Variants in SLC5A12 observed in about 807,000 individuals in gnomAD.
SLC5A12 encodes the protein solute carrier family 5 member 12, also known as sodium-coupled monocarboxylate transporter 2.
Under a neutral mutation model 72.7 loss-of-function variants are expected in SLC5A12, and 46 were observed. The observed-to-expected ratio is 0.63, with a 90% CI of 0.50 to 0.81. The LOEUF (loss-of-function observed/expected upper bound fraction) is 0.81, where lower values mean the gene tolerates loss of function less well. Ranked by LOEUF, SLC5A12 falls within the 30% of genes least tolerant of loss-of-function variation. SLC5A12 has a pLI of 0.00. For synonymous variants in SLC5A12, 275 were observed against 264.4 expected (o/e 1.04, Z -0.39); for missense variants, 683 against 740.7 (o/e 0.92, Z 0.90).
chr11:26,671,139 C>A lies in SLC5A12; in HGVS notation c.1820G>T (p.Ser607Ile). Residue 607 changes from serine to isoleucine, a missense_variant, in exon 15 of 15, where the codon AGC becomes ATC. Transcript: ENST00000396005. ...AGTCTCAAATGCCATATTGTTGTAG[C>A]TTTTGTCCTTAGGATCATAGCCTGG... Reference protein sequence around the residue: ...HVPGYDPKDKSYNNMAFETTH... With the variant: ...HVPGYDPKDKIYNNMAFETTH... 2 of 1,612,432 alleles carry A rather than the reference C, an allele frequency of 1.2e-6. No individual in the cohort carries two copies. Among genetic ancestry groups the A allele is most frequent in the Non-Finnish European group, 8.5e-7 (1 of 1,179,100 alleles).
intron 8 of SLC5A12, among the ~76,000 whole-genome samples, chr11:26,696,585 C>T (rs377431149): frequency 3.3e-5 from 5 of 152,180 alleles, no homozygotes; most frequent in Admixed American, 6.5e-5. Flanking sequence ...TATTGCTCCA[C>T]GGTTACAAAC....
Position 26,721,627 on chromosome 11 carries a change from T to C in SLC5A12, c.88A>G (p.Ile30Val), listed in dbSNP as rs1428287118. 5 of 1,614,024 alleles carry C rather than the reference T, an allele frequency of 3.1e-6. No individual in the cohort carries two copies. The highest frequency in any genetic ancestry group is 4.2e-6 in the Non-Finnish European group (5 of 1,180,000). Residue 30 changes from isoleucine to valine, a missense_variant, in exon 1 of 15, where the codon ATT becomes GTT. By Grantham distance (29) the Ile-to-Val change is conservative. Transcript: ENST00000396005. ...GAAGTTGCCTTTTTTCTCTCCTTAATGGCAAAGAACACCCCAATTCCAGAG... is the reference window on the plus strand; with the variant it reads ...GAAGTTGCCTTTTTTCTCTCCTTAACGGCAAAGAACACCCCAATTCCAGAG... ...ISSGIGVFFA[I>V]KERKKATSRE...
chr11:26,684,054 T>TG (rs1854471834), intron 10 of SLC5A12, among the ~76,000 whole-genome samples: 14 of 139,956 alleles, frequency 1.0e-4, no homozygotes, highest in African/African-American at 1.8e-4. Flanking sequence ...GTGTGTGTGT[T>TG]TGTATAGTAG....
chr11:26,673,218 A>T (rs1385287177), intron 14 of SLC5A12, among the ~76,000 whole-genome samples, 184 bp downstream of exon 14: 2 of 152,202 alleles, frequency 1.3e-5, no homozygotes, highest in African/African-American at 4.8e-5. Context: ...TTTACCTATC[A>T]ACATATTTAT....
At chr11:26,718,780 C>T (rs546946266) in intron 1 of SLC5A12, among the ~76,000 whole-genome samples, 19 of 152,114 alleles carry the variant, frequency 1.2e-4, no homozygotes, top group Middle Eastern at 6.8e-3. Flanking sequence ...TGAGCCACCA[C>T]GCCTGGCCTA....
intron 1 of SLC5A12, among the ~76,000 whole-genome samples, chr11:26,714,108 C>A (rs201251764): frequency 6.6e-6 from 1 of 150,494 alleles, no homozygotes. Flanking sequence ...TCAAAACGAA[C>A]AAAAAAAAAC....
intron 14 of SLC5A12, among the ~76,000 whole-genome samples, chr11:26,672,410 C>T (rs1854164529): frequency 6.6e-6 from 1 of 152,104 alleles, no homozygotes; most frequent in Admixed American, 6.6e-5. Flanking sequence ...AATACTCCTG[C>T]CCTTAATCAA....
intron 4 of SLC5A12, among the ~76,000 whole-genome samples, chr11:26,705,978 A>ACACACT (rs1491233670): frequency 8.7e-5 from 12 of 138,084 alleles, no homozygotes; most frequent in Non-Finnish European, 1.9e-4. Context: ...ACACACACAC[A>ACACACT]CTTACCTTCT....
intron 6 of SLC5A12, 119 bp from the exon 7 acceptor site, chr11:26,698,654 T>C: frequency 3.3e-6 from 3 of 911,782 alleles, no homozygotes; most frequent in Non-Finnish European, 4.7e-6. Flanking sequence ...AATAAAATTC[T>C]ATAGCCTTTA....
chr11:26,669,187 T>TTTATTTTTCTTTCTTTC lies in SLC5A12; in HGVS notation c.*1914_*1915insGAAAGAAAGAAAAATAA, dbSNP rs1854073553. 1 of 110,942 alleles carries TTTATTTTTCTTTCTTTC rather than the reference T, an allele frequency of 9.0e-6. No homozygotes were observed. Among genetic ancestry groups the TTTATTTTTCTTTCTTTC allele is most frequent in the Non-Finnish European group, 2.0e-5 (1 of 50,896 alleles). The allele number at this position is 110,942 out of a possible 1,614,324, so 6.9% of individuals were successfully genotyped here. On this transcript the variant is annotated 3_prime_UTR_variant, in exon 15 of 15. Transcript: ENST00000396005. ...TGTCTTTTTCTTTCTTTCTTTCTTCTTTTCTTTCTTTCTTTCTTTCTTTCT... is the reference window on the plus strand; with the variant it reads ...TGTCTTTTTCTTTCTTTCTTTCTTCTTTATTTTTCTTTCTTTCTTTCTTTCTTTCTTTCTTTCTTTCT...
chr11:26,703,939 T>C lies in SLC5A12; in HGVS notation c.534A>G (p.Leu178=), dbSNP rs149002999. Residue 178 remains leucine (L), a synonymous_variant, in exon 5 of 15, where the codon TTA becomes TTG. Transcript: ENST00000396005. The part of the protein sequence containing the change: ...VCTFYCTLGG[L]KAVVWTDAFQ... The stretch of plus-strand genomic sequence containing the variant: ...ATGCATCTGTCCACACCACTGCTTT[T>C]AATCCTCCCTGAAATAGAGAGAATG... 5.2e-5 allele frequency: 84 copies of C among 1,613,542 alleles called. No homozygotes were observed. Among genetic ancestry groups the C allele is most frequent in the East Asian group, 2.2e-5 (1 of 44,860 alleles).
chr11:26,701,552 T>C (rs1854958157), intron 6 of SLC5A12, among the ~76,000 whole-genome samples: 1 of 152,204 alleles, frequency 6.6e-6, no homozygotes, highest in Non-Finnish European at 1.5e-5. Context: ...TTTCTTGAAT[T>C]AAACTACTTT....
Position 26,678,736 on chromosome 11 carries a change from C to T in SLC5A12, c.1555G>A (p.Gly519Arg). Residue 519 changes from glycine to arginine, a missense_variant, in exon 13 of 15, where the codon GGA becomes AGA. Gly to Arg is a moderately radical substitution (Grantham distance 125). Transcript: ENST00000396005. ...CCTGTTATGAGGCTGATGATTACTCCAGCAACAATGCATCCTAAGCAGCCC... is the reference window on the plus strand; with the variant it reads ...CCTGTTATGAGGCTGATGATTACTCTAGCAACAATGCATCCTAAGCAGCCC... ...AVGCLGCIVA[G>R]VIISLITGRQ... The T allele has an allele frequency of 6.2e-7, 1 of 1,612,938 alleles. No individual in the cohort carries two copies. Among genetic ancestry groups the T allele is most frequent in the Non-Finnish European group, 8.5e-7 (1 of 1,179,380 alleles).
chr11:26,704,688 AGAGATGAAAAGAAGTG>A (rs1855043329), intron 4 of SLC5A12, among the ~76,000 whole-genome samples: 1 of 152,170 alleles, frequency 6.6e-6, no homozygotes, highest in Non-Finnish European at 1.5e-5. Context: ...GAGGTAAGGT[AGAGATGAAAAGAAGTG>A]GATGGACTGT....
At chr11:26,701,300 T>G (rs1024034802) in intron 6 of SLC5A12, among the ~76,000 whole-genome samples, 13 of 152,234 alleles carry the variant, frequency 8.5e-5, no homozygotes, top group Non-Finnish European at 1.9e-4. Context: ...TTTTTATTTT[T>G]TCATCTTTCA....
rs935821998 is a variant in SLC5A12, at chr11:26,688,669, C to T, written c.1154-2125G>A. Among the ~76,000 whole-genome samples, 3 of 152,128 alleles carry T rather than the reference C, an allele frequency of 2.0e-5. No individual in the cohort carries two copies. In the South Asian group the frequency reaches 6.2e-4, roughly 32 times the overall value. On this transcript the variant is annotated intron_variant, in intron 9 of 14. Transcript: ENST00000396005. The stretch of plus-strand genomic sequence containing the variant: ...AAACTTTGGCAATCTTAATATGCTG[C>T]AAGGATACACAGACTCAATGAAGCA...
chr11:26,697,719 T>C (rs1221172460), intron 7 of SLC5A12, among the ~76,000 whole-genome samples: 1 of 152,032 alleles, frequency 6.6e-6, no homozygotes, highest in Non-Finnish European at 1.5e-5. Flanking sequence ...GCAGGCATTG[T>C]GGAAATAAGG....
chr11:26,678,270 A>G (rs1424678005), intron 13 of SLC5A12, among the ~76,000 whole-genome samples: 1 of 152,176 alleles, frequency 6.6e-6, no homozygotes, highest in Non-Finnish European at 1.5e-5. Flanking sequence ...ACTGATTGTT[A>G]TATTACAGAG....
At chr11:26,719,505 T>C (rs1855429101) in intron 1 of SLC5A12, among the ~76,000 whole-genome samples, 1 of 152,150 alleles carries the variant, frequency 6.6e-6, no homozygotes, top group South Asian at 2.1e-4. Context: ...ACCCCTGCTG[T>C]ATATAACTGG....
Sources: allele counts gnomAD v4.1 joint callset (sites outside exome capture counted in the v4.1 genomes callset), GRCh38; gene constraint gnomAD v4.1.1; transcripts MANE v1.5; gene names NCBI Gene and HGNC (gene_info 2026-07-23, HGNC 2026-07-21).